Variants in MYH16 observed in about 807,000 individuals in gnomAD.
The protein encoded by MYH16 is putative uncharacterized protein MYH16.
intron 32 of MYH16, among the ~76,000 whole-genome samples, chr7:99,293,492 C>A (rs1156248588): frequency 2.0e-5 from 3 of 152,172 alleles, no homozygotes; most frequent in African/African-American, 7.2e-5. Context: ...CACTCCTGGG[C>A]TAAACCTAAA....
exon 39 of MYH16, chr7:99,303,109 C>G (rs1483873390): frequency 6.5e-6 from 1 of 152,722 alleles, no homozygotes; most frequent in Non-Finnish European, 1.5e-5. Context: ...AGTCAGATGT[C>G]CAGCGCATCT....
chr7:99,271,161 C>T, intron 19 of MYH16: 1 of 152,686 alleles, frequency 6.5e-6, no homozygotes, highest in Non-Finnish European at 1.5e-5. Context: ...GCTCCACTGG[C>T]CATGCTGCGT....
intron 1 of MYH16, among the ~76,000 whole-genome samples, chr7:99,240,485 A>G (rs1402612571): frequency 6.6e-6 from 1 of 152,194 alleles, no homozygotes; most frequent in Non-Finnish European, 1.5e-5. Context: ...AAAACAAAAA[A>G]CAGAGCAATG....
intron 2 of MYH16, among the ~76,000 whole-genome samples, chr7:99,244,117 A>G (rs1027762489): frequency 7.0e-6 from 1 of 143,566 alleles, no homozygotes; most frequent in Admixed American, 6.9e-5. Context: ...ACCTATCCAA[A>G]CATCCATCCA....
Position 99,283,861 on chromosome 7 carries a change from T to C in MYH16, n.3080-12T>C, listed in dbSNP as rs1390681647. On this transcript the variant is annotated splice_polypyrimidine_tract_variant and intron_variant and non_coding_transcript_variant, in intron 24 of 41. Coordinates refer to ENST00000439784, the Ensembl canonical transcript of MYH16. ...CCTCGTCTACCTTCTCTTGCTGTTC[T>C]TGTCTCTGTAGCTGGAGGATAACTG... 2.2e-6 allele frequency: 1 copy of C among 454,284 alleles called. No homozygotes were observed. Among genetic ancestry groups the C allele is most frequent in the Non-Finnish European group, 4.4e-6 (1 of 225,778 alleles). 28.1% of individuals were successfully genotyped at this position (454,284 alleles called of 1,614,324 possible). A position where few individuals can be genotyped will look rare whatever the true frequency, so the allele number is the denominator to read the frequency against.
intron 18 of MYH16, among the ~76,000 whole-genome samples, chr7:99,268,432 C>T (rs924276754): frequency 6.6e-6 from 1 of 152,234 alleles, no homozygotes; most frequent in African/African-American, 2.4e-5. Context: ...CCACCAGTGG[C>T]GGTCGTGTGG....
intron 24 of MYH16, 35 bp downstream of exon 6, chr7:99,283,686 C>T (rs1169572845): frequency 2.2e-6 from 1 of 456,450 alleles, no homozygotes; most frequent in Non-Finnish European, 4.4e-6. Context: ...TCTACAACTC[C>T]AAGGCCAGAT....
chr7:99,266,483 TG>T (rs1791988073), intron 17 of MYH16, among the ~76,000 whole-genome samples: 1 of 152,152 alleles, frequency 6.6e-6, no homozygotes, highest in South Asian at 2.1e-4. Context: ...AGTCCCCAGT[TG>T]GGGACTTGTG....
chr7:99,244,464 G>T (rs1791705387), intron 2 of MYH16, among the ~76,000 whole-genome samples: 1 of 152,202 alleles, frequency 6.6e-6, no homozygotes, highest in Admixed American at 6.5e-5. Context: ...TGCCTCTCTA[G>T]ATGTCTTTAT....
intron 11 of MYH16, among the ~76,000 whole-genome samples, chr7:99,259,544 C>T (rs889410584): frequency 6.6e-5 from 10 of 151,956 alleles, no homozygotes; most frequent in South Asian, 4.2e-4. Flanking sequence ...CTGCAACCTC[C>T]GCCTCCAGGG....
intron 30 of MYH16, among the ~76,000 whole-genome samples, chr7:99,290,235 G>A (rs1792348842): frequency 6.6e-6 from 1 of 152,136 alleles, no homozygotes; most frequent in Admixed American, 6.6e-5. Context: ...TGTAATTCCA[G>A]CACTTTGGGA....
exon 42 of MYH16, chr7:99,306,671 T>A (rs1206980827): frequency 6.5e-6 from 1 of 152,796 alleles, no homozygotes; most frequent in Non-Finnish European, 1.5e-5. Flanking sequence ...TGGATGACGC[T>A]GAGGACCGGG....
chr7:99,282,039 T>C (rs1340731793), intron 23 of MYH16, among the ~76,000 whole-genome samples: 1 of 152,224 alleles, frequency 6.6e-6, no homozygotes, highest in African/African-American at 2.4e-5. Context: ...TTTTGTTGTT[T>C]TGAGATGGAG....
chr7:99,254,870 C>T lies in MYH16; in HGVS notation n.893-712C>T, dbSNP rs150963400. On this transcript the variant is annotated intron_variant and non_coding_transcript_variant, in intron 8 of 41. Transcript: ENST00000439784. ...CAATTTCCAGCCAGGTGCAGTGGCT[C>T]ATATCTGTAATCCCAGCACTTTGGG... is the stretch of plus-strand genomic sequence containing the variant. Among the ~76,000 whole-genome samples the T allele has an allele frequency of 3.3e-4, 50 of 152,292 alleles. No homozygotes were observed. The East Asian group carries it at 8.3e-3, about 25-fold the overall frequency.
exon 34 of MYH16, chr7:99,296,755 C>T (rs567973195): frequency 8.8e-6 from 4 of 456,750 alleles, no homozygotes; most frequent in African/African-American, 4.0e-5. Context: ...TGACAAGATG[C>T]TGGCTGAGTG....
chr7:99,290,608 T>G (rs1488001020), intron 30 of MYH16, among the ~76,000 whole-genome samples: 2 of 151,888 alleles, frequency 1.3e-5, no homozygotes, highest in African/African-American at 4.8e-5. Context: ...GAGACCAGCC[T>G]GGCCAACGTG....
downstream of MYH16, among the ~76,000 whole-genome samples, chr7:99,309,845 C>T (rs942190987): frequency 3.9e-5 from 6 of 152,244 alleles, no homozygotes; most frequent in African/African-American, 1.4e-4. Context: ...TCTCCATGTC[C>T]TGATCCATCC....
chr7:99,280,669 GA>G (rs1053481266), intron 22 of MYH16, among the ~76,000 whole-genome samples: 3 of 152,216 alleles, frequency 2.0e-5, no homozygotes, highest in African/African-American at 7.2e-5. Flanking sequence ...GCTCCTAGGG[GA>G]TGCCACTGCC....
intron 11 of MYH16, chr7:99,260,084 T>C: frequency 7.7e-7 from 1 of 1,298,674 alleles, no homozygotes; most frequent in Non-Finnish European, 1.1e-6. Flanking sequence ...TTGCTTTGCT[T>C]GTGGTCGCTT....
Sources: allele counts gnomAD v4.1 joint callset (sites outside exome capture counted in the v4.1 genomes callset), GRCh38; gene constraint gnomAD v4.1.1; transcripts MANE v1.5; gene names NCBI Gene and HGNC (gene_info 2026-07-23, HGNC 2026-07-21).